Variants in ZDHHC23 observed in about 807,000 individuals in gnomAD.
The protein encoded by ZDHHC23 is zDHHC palmitoyltransferase 23, also known as palmitoyltransferase ZDHHC23.
ZDHHC23 carries 41 observed loss-of-function variants against 40.2 expected under a neutral mutation model. That is an observed-to-expected ratio of 1.02 (90% CI 0.79 to 1.32). The LOEUF (loss-of-function observed/expected upper bound fraction) is 1.32, where lower values mean the gene tolerates loss of function less well. Ranked by LOEUF, ZDHHC23 falls within the 40% of genes most tolerant of loss-of-function variation. The pLI, the probability that ZDHHC23 is intolerant of heterozygous loss-of-function variation, is 0.00. For synonymous variants in ZDHHC23, 204 were observed against 210.2 expected, an observed-to-expected ratio of 0.97 and a Z score of 0.26; for missense variants, 471 against 541.5, an observed-to-expected ratio of 0.87 and a Z score of 1.29.
chr3:113,965,199 A>ATAC, downstream of ZDHHC23: 7 of 1,610,496 alleles, frequency 4.3e-6, no homozygotes, highest in Non-Finnish European at 5.9e-6. Flanking sequence ...CAAGTATCTG[A>ATAC]TTGCTGATAT....
rs994694825 is a variant in ZDHHC23, at chr3:113,962,103, C to T, written c.*3473C>T. 1.3e-5 allele frequency: 2 copies of T among 152,656 alleles called. No homozygotes were observed. The highest frequency in any genetic ancestry group is 4.2e-4 in the South Asian group (2 of 4,816). 9.5% of individuals were successfully genotyped at this position (152,656 alleles called of 1,614,324 possible). On this transcript the variant is annotated 3_prime_UTR_variant, in exon 5 of 5. Coordinates refer to ENST00000638807, the MANE Select transcript of ZDHHC23 (RefSeq NM_001320466.2). The stretch of plus-strand genomic sequence containing the variant: ...GGATAATAAGAGACTTTTCCTGAGG[C>T]ACCTGTTTGGAATCTGGTTTTCTCA...
At chr3:113,975,818 G>C in the ZDHHC23 span, among the ~76,000 whole-genome samples, 1 of 152,202 alleles carries the variant, frequency 6.6e-6, no homozygotes, top group African/African-American at 2.4e-5. Context: ...TAAACAAAAA[G>C]CAAAGTGGGA....
chr3:113,977,631 G>A, the ZDHHC23 span, among the ~76,000 whole-genome samples: 1 of 152,156 alleles, frequency 6.6e-6, no homozygotes, highest in South Asian at 2.1e-4. Context: ...TAGGAGAAAA[G>A]TAAAAAGAAA....
At position 113,958,582 on chromosome 3, in the gene ZDHHC23, C is replaced by T. The variant is rs1255904006; in HGVS notation, c.1260C>T (p.Ser420=). The change falls in exon 5 of 5, where the codon TCC becomes TCT. Residue 420 remains serine, a synonymous_variant. Transcript: ENST00000638807. ...TCCTGCGGAACTGGCACCAGTTCTCCACCCTGGGCACACGTGCATTCCACC... is the reference window on the plus strand; with the variant it reads ...TCCTGCGGAACTGGCACCAGTTCTCTACCCTGGGCACACGTGCATTCCACC... ...RGFLRNWHQF[S]TLGTRAFHHP... is the part of the protein sequence containing the mutation. 1.2e-6 allele frequency: 2 copies of T among 1,607,246 alleles called. No homozygotes were observed. The highest frequency in any genetic ancestry group is 1.7e-6 in the Non-Finnish European group (2 of 1,179,842).
At chr3:113,963,647 G>T (rs1180372609), downstream of ZDHHC23, among the ~76,000 whole-genome samples, 1 of 151,284 alleles carries the variant, frequency 6.6e-6, no homozygotes, top group African/African-American at 2.4e-5. Flanking sequence ...GAGGTGGGAG[G>T]ATCACCTGAG....
At position 113,959,066 on chromosome 3, in the gene ZDHHC23, C is replaced by T; in HGVS notation, c.*436C>T. ...CTGCAAAGTGGGGTACTGATGCCTG[C>T]CCTGGCTACCTCACAGAGCCGTCAT... On this transcript the variant is annotated 3_prime_UTR_variant, in exon 5 of 5. Coordinates refer to ENST00000638807, the MANE Select transcript of ZDHHC23 (RefSeq NM_001320466.2). 1.1e-6 allele frequency: 1 copy of T among 951,968 alleles called. No individual in the cohort carries two copies. Among genetic ancestry groups the T allele is most frequent in the Non-Finnish European group, 1.3e-6 (1 of 743,608 alleles). 59.0% of individuals were successfully genotyped at this position (951,968 alleles called of 1,614,324 possible). A position where few individuals can be genotyped will look rare whatever the true frequency, so the allele number is the denominator to read the frequency against.
rs1939533052 is a variant in ZDHHC23 at position 113,959,509 on chromosome 3, A to G, written c.*879A>G. On this transcript the variant is annotated 3_prime_UTR_variant, in exon 5 of 5. Transcript: ENST00000638807. Reference sequence around the variant, plus strand: ...GCATTCATGTGTTTTTCCTCTTCCCATGTTTCACCAGGTAAGGTGCTAGCA... The same window carrying G: ...GCATTCATGTGTTTTTCCTCTTCCCGTGTTTCACCAGGTAAGGTGCTAGCA... 1 of 1,277,394 alleles carries G rather than the reference A, an allele frequency of 7.8e-7. No homozygotes were observed. Among genetic ancestry groups the G allele is most frequent in the Non-Finnish European group, 1.0e-6 (1 of 979,104 alleles). 79.1% of individuals were successfully genotyped at this position (1,277,394 alleles called of 1,614,324 possible).
rs1938915718 is a variant in ZDHHC23 at position 113,953,851 on chromosome 3, G to A, written c.313G>A (p.Val105Met). The A allele has an allele frequency of 3.1e-6, 5 of 1,614,038 alleles. No individual in the cohort carries two copies. Among genetic ancestry groups the A allele is most frequent in the Non-Finnish European group, 4.2e-6 (5 of 1,180,032 alleles). The change falls in exon 3 of 5, where the codon GTG becomes ATG. Residue 105 changes from valine to methionine, a missense_variant. Around this residue, in one of 3 missense-constraint regions of ZDHHC23, gnomAD observed 42 missense variants for 73.9 expected, o/e 0.57. Coordinates refer to ENST00000638807, the MANE Select transcript of ZDHHC23 (RefSeq NM_001320466.2). ...TGTCCTGCTGCCTGTCTTCCTTCATGTGGCTTCCTGGCATTTCCTCCTGGG... is the reference window on the plus strand; with the variant it reads ...TGTCCTGCTGCCTGTCTTCCTTCATATGGCTTCCTGGCATTTCCTCCTGGG... The part of the protein sequence containing the change: ...PLVLLPVFLH[V>M]ASWHFLLGVV...
chr3:113,970,723 C>T, the ZDHHC23 span, among the ~76,000 whole-genome samples: 5 of 152,094 alleles, frequency 3.3e-5, no homozygotes, highest in African/African-American at 1.2e-4. Context: ...CCCCGTCCCC[C>T]CACCCCACAG....
In ZDHHC23 at chr3:113,956,488, G is replaced by A; in HGVS notation, c.1022G>A (p.Gly341Glu). ...SVFTALFYCP[G>E]VYANYSSALS... is the part of the protein sequence containing the mutation. ...TTCACAGCTCTTTTCTATTGTCCTGGAGTTTATGCAAATTACAGGTGAGCA... is the reference window on the plus strand; with the variant it reads ...TTCACAGCTCTTTTCTATTGTCCTGAAGTTTATGCAAATTACAGGTGAGCA... The change falls in exon 4 of 5, where the codon GGA becomes GAA. Residue 341 changes from glycine (G) to glutamate (E), a missense_variant. Transcript: ENST00000638807. 1.2e-6 allele frequency: 2 copies of A among 1,613,328 alleles called. No individual in the cohort carries two copies. Among genetic ancestry groups the A allele is most frequent in the Non-Finnish European group, 1.7e-6 (2 of 1,179,838 alleles).
downstream of ZDHHC23, among the ~76,000 whole-genome samples, chr3:113,965,629 G>A (rs947325085): frequency 4.6e-5 from 7 of 151,970 alleles, no homozygotes; most frequent in Admixed American, 1.3e-4. Flanking sequence ...TTGCTCTGTC[G>A]CCCAGGCTAG....
At chr3:113,978,746 CT>C in the ZDHHC23 span, 1 of 1,178,790 alleles carries the variant, frequency 8.5e-7, no homozygotes. Context: ...ATTGACTACT[CT>C]TTTGTTCTTG....
intron 2 of ZDHHC23, among the ~76,000 whole-genome samples, chr3:113,952,995 C>T (rs72954678): frequency 0.017 from 2,529 of 152,324 alleles, 72 homozygotes; most frequent in African/African-American, 0.058. Flanking sequence ...TAGAACATAG[C>T]ATAGCCTAAG....
rs758293228 is a variant in ZDHHC23, at chr3:113,953,894, C to A, written c.356C>A (p.Ser119Tyr). 6 of 1,614,140 alleles carry A rather than the reference C, an allele frequency of 3.7e-6. No individual in the cohort carries two copies. Among genetic ancestry groups the A allele is most frequent in the Non-Finnish European group, 5.1e-6 (6 of 1,180,020 alleles). Residue 119 changes from serine (S) to tyrosine (Y), a missense_variant, in exon 3 of 5, where the codon TCC becomes TAC. This residue lies in a region of ZDHHC23 where 346 missense variants were observed against 399.8 expected (regional missense o/e 0.87). Transcript: ENST00000638807. ...HFLLGVVVLTSLPVLALWYYY... is the reference protein window; with the variant it reads ...HFLLGVVVLTYLPVLALWYYY... ...CTCCTGGGGGTGGTGGTTTTGACCT[C>A]CCTTCCTGTGCTGGCACTGTGGTAC...
In ZDHHC23 at chr3:113,959,897, A is replaced by G. The variant is rs1939569603; in HGVS notation, c.*1267A>G. ...ACAATAACAAGTTGTTTCTTTAATC[A>G]TATCTTAAAACCGAAAATGTATAAA... On this transcript the variant is annotated 3_prime_UTR_variant, in exon 5 of 5. Coordinates refer to ENST00000638807, the MANE Select transcript of ZDHHC23 (RefSeq NM_001320466.2). 2.0e-6 allele frequency: 2 copies of G among 1,001,882 alleles called. No homozygotes were observed. The highest frequency in any genetic ancestry group is 4.3e-5 in the South Asian group (1 of 23,038). 62.1% of individuals were successfully genotyped at this position (1,001,882 alleles called of 1,614,324 possible).
At chr3:113,979,039 A>G in the ZDHHC23 span, 1 of 1,596,044 alleles carries the variant, frequency 6.3e-7, no homozygotes, top group South Asian at 1.1e-5. Context: ...GAGAAATATT[A>G]TTCCTTAAAT....
downstream of ZDHHC23, chr3:113,964,990 G>A: frequency 4.6e-6 from 2 of 438,452 alleles, no homozygotes; most frequent in Admixed American, 8.3e-5. Flanking sequence ...AGCAATCCAG[G>A]AAAAGTCAAA....
In ZDHHC23 at chr3:113,959,803, AAG is replaced by A. The variant is rs201217486; in HGVS notation, c.*1179_*1180del. ...CCTCCCTAAATAACAGTATCTCACTAAGAGAGAAGAAACAGGGTATATGTGGT... is the reference window on the plus strand; with the variant it reads ...CCTCCCTAAATAACAGTATCTCACTAAGAGAAGAAACAGGGTATATGTGGT... On this transcript the variant is annotated 3_prime_UTR_variant, in exon 5 of 5. Coordinates refer to ENST00000638807, the MANE Select transcript of ZDHHC23 (RefSeq NM_001320466.2). 9,506 of 1,055,892 alleles carry A rather than the reference AAG, an allele frequency of 9.0e-3. 61 individuals are homozygous for A. Among genetic ancestry groups the A allele is most frequent in the Middle Eastern group, 0.025 (51 of 2,072 alleles). 65.4% of individuals were successfully genotyped at this position (1,055,892 alleles called of 1,614,324 possible).
the ZDHHC23 span, among the ~76,000 whole-genome samples, chr3:113,970,759 T>C: frequency 6.7e-6 from 1 of 149,254 alleles, no homozygotes; most frequent in Non-Finnish European, 1.5e-5. Context: ...GATGTTCCCC[T>C]TCCTGTGTCC....
Sources: gnomAD v4.1 joint callset for allele counts (sites outside exome capture counted in the v4.1 genomes callset) on GRCh38, gnomAD v4.1.1 for gene constraint, gnomAD v4.1.1 regional missense constraint, MANE v1.5 for transcripts, NCBI Gene and HGNC (gene_info 2026-07-23, HGNC 2026-07-21) for gene names.